The following SLC19A3 variants were observed in gnomAD, a reference collection of about 807,000 sequenced individuals.
The protein encoded by SLC19A3 is thiamine transporter 2.
A neutral mutation model predicts 40.2 loss-of-function variants in SLC19A3; 31 were observed. The ratio of observed to expected loss-of-function variants is 0.77; its 90% CI spans 0.58 to 1.04. The LOEUF is 1.04. Among genes scored for constraint, SLC19A3 ranks in the 50% least tolerant of loss-of-function variants. The pLI, the probability that SLC19A3 is intolerant of heterozygous loss-of-function variation, is 0.00. For synonymous variants in SLC19A3, 212 were observed against 227.5 expected (o/e 0.93, Z 0.61); for missense variants, 592 against 596.7 (o/e 0.99, Z 0.08).
At chr2:227,711,817 A>G (rs1696149246) in intron 1 of SLC19A3, among the ~76,000 whole-genome samples, 1 of 152,008 alleles carries the variant, frequency 6.6e-6, no homozygotes, top group South Asian at 2.1e-4. Flanking sequence ...TGGGAGGCCG[A>G]GGTAGGTGGA....
chr2:227,686,120 T>C lies in SLC19A3; in HGVS notation c.*1277A>G, dbSNP rs1024046010. On this transcript the variant is annotated 3_prime_UTR_variant, in exon 6 of 6. Transcript: ENST00000644224. ...GCTGAGGTAGGAGAATGGCTTGAAC[T>C]CAGGAGGTGAAGTTTGCAGTGAGCC... The C allele has an allele frequency of 2.2e-6, 1 of 448,710 alleles. No homozygotes were observed. Among genetic ancestry groups the C allele is most frequent in the Non-Finnish European group, 4.5e-6 (1 of 223,158 alleles). 27.8% of individuals were successfully genotyped at this position (448,710 alleles called of 1,614,324 possible). A position where few individuals can be genotyped will look rare whatever the true frequency, so the allele number is the denominator to read the frequency against.
chr2:227,694,274 T>C (rs1695343580), intron 4 of SLC19A3, among the ~76,000 whole-genome samples: 4 of 152,198 alleles, frequency 2.6e-5, no homozygotes, highest in Admixed American at 2.0e-4. Flanking sequence ...CCCAAAGTGC[T>C]GGGATTACAG....
chr2:227,703,169 C>T lies in SLC19A3; in HGVS notation c.-2-849G>A, dbSNP rs535321353. Among the ~76,000 whole-genome samples the T allele has an allele frequency of 1.2e-4, 18 of 152,290 alleles. No homozygotes were observed. The South Asian group carries it at 1.4e-3, about 12-fold the overall frequency. The stretch of plus-strand genomic sequence containing the variant: ...ATGACAACCACAGTGAGGGAAAAAA[C>T]GTGTATTTATAAACACATTCACACT... On this transcript the variant is annotated intron_variant, in intron 1 of 5. Coordinates refer to ENST00000644224, the MANE Select transcript of SLC19A3 (RefSeq NM_025243.4). The surrounding 1 kb of genome is among the most constrained non-coding windows in gnomAD (Gnocchi z 4.7).
At chr2:227,694,142 G>A (rs1419385712) in intron 4 of SLC19A3, among the ~76,000 whole-genome samples, 2 of 152,098 alleles carry the variant, frequency 1.3e-5, no homozygotes, top group East Asian at 3.9e-4. Flanking sequence ...CAGTAGCAGG[G>A]ATTACAGGTT....
intron 3 of SLC19A3, among the ~76,000 whole-genome samples, chr2:227,696,672 T>C (rs983805436): frequency 6.6e-6 from 1 of 152,194 alleles, no homozygotes; most frequent in African/African-American, 2.4e-5. Context: ...TGAGAAGCTT[T>C]GGGTGAAAAT....
chr2:227,712,365 C>T (rs544396385), intron 1 of SLC19A3, among the ~76,000 whole-genome samples: 66 of 122,680 alleles, frequency 5.4e-4, no homozygotes, highest in Admixed American at 1.2e-3. Flanking sequence ...ATAAAGAACC[C>T]CTGTAACTCA....
At chr2:227,701,038 C>G (rs529383080) in intron 2 of SLC19A3, 2 of 1,304,114 alleles carry the variant, frequency 1.5e-6, no homozygotes, top group South Asian at 1.2e-5. Context: ...GAAGCAGAAC[C>G]CAGTGGATTC....
intron 2 of SLC19A3, chr2:227,701,882 T>G (rs1695709405): frequency 2.8e-6 from 1 of 360,844 alleles, no homozygotes; most frequent in African/African-American, 2.1e-5. Flanking sequence ...AGGATTAGTA[T>G]AATAGAATCA....
chr2:227,687,633 A>G (rs1284634757), intron 5 of SLC19A3, 60 bp from the exon 6 acceptor site: 1 of 1,550,680 alleles, frequency 6.4e-7, no homozygotes, highest in Non-Finnish European at 8.8e-7. Context: ...CAATGATAAT[A>G]CATCCTAATA....
chr2:227,687,014 G>A lies in SLC19A3; in HGVS notation c.*383C>T, dbSNP rs1460847402. 1.2e-5 allele frequency: 2 copies of A among 168,084 alleles called. No homozygotes were observed. Among genetic ancestry groups the A allele is most frequent in the African/African-American group, 4.8e-5 (2 of 41,756 alleles). The allele number at this position is 168,084 out of a possible 1,614,324, so 10.4% of individuals were successfully genotyped here. ...AAATAAGTATTTAAGCCTAGCAATA[G>A]GGTCAGTCCAGTTAGTATTTCTCCT... is the stretch of plus-strand genomic sequence containing the variant. On this transcript the variant is annotated 3_prime_UTR_variant, in exon 6 of 6. Transcript: ENST00000644224.
At chr2:227,712,470 C>T (rs1172546219) in intron 1 of SLC19A3, among the ~76,000 whole-genome samples, 1 of 152,176 alleles carries the variant, frequency 6.6e-6, no homozygotes, top group Non-Finnish European at 1.5e-5. Flanking sequence ...AATCAGAAAT[C>T]CTAAGTTAAG....
chr2:227,702,593 A>G (rs1695747452), intron 1 of SLC19A3: 1 of 404,710 alleles, frequency 2.5e-6, no homozygotes, highest in South Asian at 2.3e-5. Flanking sequence ...GGGTTTCACC[A>G]TGTTGGCCAG....
At chr2:227,714,703 CAAAAA>C (rs769256469) in intron 1 of SLC19A3, 151 of 177,032 alleles carry the variant, frequency 8.5e-4, no homozygotes, top group Non-Finnish European at 1.1e-3. Flanking sequence ...AAATCCCATC[CAAAAA>C]AAAAAAAAAA....
intron 4 of SLC19A3, among the ~76,000 whole-genome samples, chr2:227,689,097 A>G (rs1206951939): frequency 6.6e-6 from 1 of 152,166 alleles, no homozygotes; most frequent in African/African-American, 2.4e-5. Context: ...AGAAAAAAGA[A>G]GAATGAGGCA....
At chr2:227,717,147 C>A (rs918709889) in intron 1 of SLC19A3, among the ~76,000 whole-genome samples, 7 of 151,890 alleles carry the variant, frequency 4.6e-5, no homozygotes, top group African/African-American at 1.7e-4. Context: ...GGATTACAGG[C>A]ACCCGCCACC....
At position 227,703,802 on chromosome 2, in the gene SLC19A3, C is replaced by T. The variant is rs1256377675; in HGVS notation, c.-2-1482G>A. On this transcript the variant is annotated intron_variant, in intron 1 of 5. Coordinates refer to ENST00000644224, the MANE Select transcript of SLC19A3 (RefSeq NM_025243.4). This position sits in a 1 kb window ranked among gnomAD's most constrained non-coding sequence, Gnocchi z 4.7. ...TCTATATCCAGAGCCTCCTCTCCAC[C>T]TTTGCTGACCACGGATTTGTTCTCT... Among the ~76,000 whole-genome samples, 1 of 152,178 alleles carries T rather than the reference C, an allele frequency of 6.6e-6. No individual in the cohort carries two copies. The highest frequency in any genetic ancestry group is 2.4e-5 in the African/African-American group (1 of 41,452).
In SLC19A3 at chr2:227,686,266, T is replaced by C. The variant is rs1052308673; in HGVS notation, c.*1131A>G. 1 of 340,484 alleles carries C rather than the reference T, an allele frequency of 2.9e-6. No individual in the cohort carries two copies. Among genetic ancestry groups the C allele is most frequent in the Admixed American group, 3.6e-5 (1 of 27,704 alleles). The allele number at this position is 340,484 out of a possible 1,614,324, so 21.1% of individuals were successfully genotyped here. A position where few individuals can be genotyped will look rare whatever the true frequency, so the allele number is the denominator to read the frequency against. Reference sequence around the variant, plus strand: ...ATCAGTGTTTTCTTATTTCTAATACTTCTAGAAACCTCCTTTAAGTTTTCC... The same window carrying C: ...ATCAGTGTTTTCTTATTTCTAATACCTCTAGAAACCTCCTTTAAGTTTTCC... On this transcript the variant is annotated 3_prime_UTR_variant, in exon 6 of 6. Coordinates refer to ENST00000644224, the MANE Select transcript of SLC19A3 (RefSeq NM_025243.4).
chr2:227,692,075 T>C (rs1248466676), intron 4 of SLC19A3, among the ~76,000 whole-genome samples: 1 of 152,140 alleles, frequency 6.6e-6, no homozygotes, highest in East Asian at 1.9e-4. Context: ...ATTGAAGTCA[T>C]AATAAAAAGC....
intron 1 of SLC19A3, among the ~76,000 whole-genome samples, chr2:227,707,176 C>T (rs928503447): frequency 3.3e-5 from 5 of 152,226 alleles, no homozygotes; most frequent in Admixed American, 1.3e-4. Flanking sequence ...TACACAGAGG[C>T]GCTGATCCAG....
Sources: allele counts gnomAD v4.1 joint callset (sites outside exome capture counted in the v4.1 genomes callset), GRCh38; gene constraint gnomAD v4.1.1; non-coding constraint Gnocchi (gnomAD v3.1); transcripts MANE v1.5; gene names NCBI Gene and HGNC (gene_info 2026-07-23, HGNC 2026-07-21).